The following NAA38 variants were observed in gnomAD, a reference collection of about 807,000 sequenced individuals.
NAA38 encodes N-alpha-acetyltransferase 38, NatC auxiliary subunit, also known as LSM domain containing 1.
NAA38 carries 15 observed loss-of-function variants against 12.6 expected under a neutral mutation model. That is an observed-to-expected ratio of 1.19 (90% confidence interval 0.79 to 1.83). The LOEUF (loss-of-function observed/expected upper bound fraction) is 1.83, where lower values mean the gene tolerates loss of function less well. Ranked by LOEUF, NAA38 falls within the 40% of genes most tolerant of loss-of-function variation. The probability of loss-of-function intolerance (pLI) is 0.00; values close to 1 mark genes in which losing one functional copy is unlikely to be tolerated. For missense variants in NAA38, 183 were observed against 171.7 expected (o/e 1.07, Z -0.37); for synonymous variants, 88 against 69.9 (o/e 1.26, Z -1.29).
rs775757791 is a variant in NAA38, at chr17:7,857,113, C to T, written c.167G>A (p.Arg56His). ...EALLNKTMRIRMTDGRTLVGC... is the reference protein window; with the variant it reads ...EALLNKTMRIHMTDGRTLVGC... ...GACCAGTGTCCGTCCATCTGTCATG[C>T]GAATGCGCATAGTCTTGTTGAGCAG... Residue 56 changes from arginine (R) to histidine (H), a missense_variant, in exon 2 of 3, where the codon CGC becomes CAC. By Grantham distance (29) the Arg-to-His change is conservative. Coordinates refer to ENST00000575771, the MANE Select transcript of NAA38 (RefSeq NM_001320925.4). 1 of 1,613,478 alleles carries T rather than the reference C, an allele frequency of 6.2e-7. No homozygotes were observed. The highest frequency in any genetic ancestry group is 1.7e-5 in the Admixed American group (1 of 60,036).
At chr17:7,857,267 G>C (rs777432027) in intron 1 of NAA38, 69 bp from the exon 2 acceptor site, 1 of 1,609,492 alleles carries the variant, frequency 6.2e-7, no homozygotes, top group Admixed American at 1.7e-5. Context: ...CACAGCTCCC[G>C]GCAGCCCGCG....
chr17:7,857,434 T>C lies in NAA38; in HGVS notation c.30A>G (p.Leu10=). 6.3e-7 allele frequency: 1 copy of C among 1,585,212 alleles called. No homozygotes were observed. Among genetic ancestry groups the C allele is most frequent in the Non-Finnish European group, 8.6e-7 (1 of 1,167,564 alleles). Reference sequence around the variant, plus strand: ...GACTGCAACAGCCATTCTCTTCTCGTAGCAGCATGGTCGGTCCAGCTCCGG... The same window carrying C: ...GACTGCAACAGCCATTCTCTTCTCGCAGCAGCATGGTCGGTCCAGCTCCGG... The part of the protein sequence containing the change: MAGAGPTML[L]REENGCCSRR... The change falls in exon 1 of 3, where the codon CTA becomes CTG. Residue 10 remains leucine (L), a synonymous_variant. Coordinates refer to ENST00000575771, the MANE Select transcript of NAA38 (RefSeq NM_001320925.4).
intron 3 of NAA38, chr17:7,866,418 A>C: frequency 8.4e-7 from 1 of 1,188,636 alleles, no homozygotes; most frequent in Non-Finnish European, 1.1e-6. Context: ...GCCACGGGGA[A>C]CTTTTAAAGT....
At chr17:7,878,430 G>A (rs1408592711) in intron 2 of NAA38, among the ~76,000 whole-genome samples, 5 of 151,232 alleles carry the variant, frequency 3.3e-5, no homozygotes, top group Non-Finnish European at 5.9e-5. Context: ...ACTTTTCATT[G>A]TGCTGAGTAA....
chr17:7,857,030 ACTC>A lies in NAA38; in HGVS notation c.247_249del (p.Glu83del), dbSNP rs748072723. The A allele has an allele frequency of 6.2e-7, 1 of 1,606,756 alleles. No homozygotes were observed. The highest frequency in any genetic ancestry group is 8.5e-7 in the Non-Finnish European group (1 of 1,174,880). On this transcript the variant is annotated inframe_deletion, in exon 2 of 3. Transcript: ENST00000575771. ...GGGCACTGACCCGACGGCTTGAGGA[ACTC>A]CTGCGCCGAGCCCAGGATGACATTG... is the stretch of plus-strand genomic sequence containing the variant.
chr17:7,866,628 C>T, intron 2 of NAA38: 2 of 770,022 alleles, frequency 2.6e-6, no homozygotes, highest in East Asian at 3.4e-5. Context: ...ACAATCCACC[C>T]ACCACTCTTC....
chr17:7,876,536 T>C (rs745630118), intron 2 of NAA38, among the ~76,000 whole-genome samples: 20 of 152,302 alleles, frequency 1.3e-4, no homozygotes, highest in Admixed American at 2.6e-4. Flanking sequence ...TTACTTCCTC[T>C]TTGCTATACA....
chr17:7,868,298 G>C (rs1482582761), intron 2 of NAA38, among the ~76,000 whole-genome samples: 1 of 152,174 alleles, frequency 6.6e-6, no homozygotes, highest in Non-Finnish European at 1.5e-5. Context: ...ACAGTATAAA[G>C]TGCTGCACAG....
At chr17:7,865,665 C>A (rs538863328) in intron 3 of NAA38, 1 of 152,122 alleles carries the variant, frequency 6.6e-6, no homozygotes, top group Non-Finnish European at 1.5e-5. Context: ...CACCTCTCAC[C>A]GGGAAGAGTC....
intron 2 of NAA38, among the ~76,000 whole-genome samples, chr17:7,873,708 G>A (rs1967125900): frequency 6.6e-6 from 1 of 152,146 alleles, no homozygotes; most frequent in Non-Finnish European, 1.5e-5. Context: ...ATTAGCTTCA[G>A]ACAGGACAGG....
chr17:7,878,482 G>A (rs893713719), intron 2 of NAA38, among the ~76,000 whole-genome samples: 1 of 152,156 alleles, frequency 6.6e-6, no homozygotes, highest in Non-Finnish European at 1.5e-5. Flanking sequence ...AGCACTGTGG[G>A]AGGCCGAGGC....
At chr17:7,872,643 G>A (rs143655218) in intron 2 of NAA38, among the ~76,000 whole-genome samples, 14 of 152,360 alleles carry the variant, frequency 9.2e-5, no homozygotes, top group African/African-American at 3.4e-4. Context: ...TTATAGGCCT[G>A]AGCCGCTGTG....
chr17:7,859,728 C>G (rs960857018), upstream of NAA38: 2 of 859,564 alleles, frequency 2.3e-6, no homozygotes, highest in Non-Finnish European at 3.8e-6. Flanking sequence ...CCACTCCTCT[C>G]CAGGAGCTAG....
chr17:7,858,436 C>G, upstream of NAA38: 1 of 1,614,176 alleles, frequency 6.2e-7, no homozygotes, highest in East Asian at 2.2e-5. Flanking sequence ...GTGGAAGTTG[C>G]AGGCCAGGAT....
At position 7,856,762 on chromosome 17, in the gene NAA38, C is replaced by T. The variant is rs1268511157; in HGVS notation, c.347G>A (p.Arg116Lys). 1 of 1,614,082 alleles carries T rather than the reference C, an allele frequency of 6.2e-7. No homozygotes were observed. Among genetic ancestry groups the T allele is most frequent in the Non-Finnish European group, 8.5e-7 (1 of 1,180,034 alleles). Residue 116 changes from arginine to lysine, a missense_variant, in exon 3 of 3, where the codon AGG becomes AAG. By Grantham distance (26) the Arg-to-Lys change is conservative. Transcript: ENST00000575771. Reference sequence around the variant, plus strand: ...ATACGGAGGCCCGGTCAGACTCTCCCTCTGCACCTCAATGGAAACGATGTG... The same window carrying T: ...ATACGGAGGCCCGGTCAGACTCTCCTTCTGCACCTCAATGGAAACGATGTG... ...GHHIVSIEVQ[R>K]ESLTGPPYL
chr17:7,866,374 C>T, intron 3 of NAA38: 17 of 751,248 alleles, frequency 2.3e-5, no homozygotes, highest in Non-Finnish European at 3.1e-5. Flanking sequence ...TCCCAGAGTG[C>T]TGGAATTACA....
At chr17:7,876,114 T>G (rs1179454575) in intron 2 of NAA38, among the ~76,000 whole-genome samples, 1 of 152,220 alleles carries the variant, frequency 6.6e-6, no homozygotes, top group African/African-American at 2.4e-5. Context: ...CAACTTTATG[T>G]GTGGACATAT....
chr17:7,882,408 GAAGT>G (rs908279792), intron 2 of NAA38, among the ~76,000 whole-genome samples: 1 of 152,202 alleles, frequency 6.6e-6, no homozygotes, highest in African/African-American at 2.4e-5. Flanking sequence ...CTGGAAGACA[GAAGT>G]AAGCAGAAAG....
upstream of NAA38, chr17:7,858,844 A>G (rs1489087383): frequency 6.6e-7 from 1 of 1,518,500 alleles, no homozygotes; most frequent in Non-Finnish European, 8.8e-7. Flanking sequence ...GGTGACAAGG[A>G]GCAGGTTAGA....
Sources: allele counts gnomAD v4.1 joint callset (sites outside exome capture counted in the v4.1 genomes callset), GRCh38; gene constraint gnomAD v4.1.1; transcripts MANE v1.5; gene names NCBI Gene and HGNC (gene_info 2026-07-23, HGNC 2026-07-21).